Variants in SEPTIN2 observed in about 807,000 individuals in gnomAD.
SEPTIN2 encodes the protein septin-2.
In SEPTIN2, 34 loss-of-function variants were observed where a neutral mutation model predicts 46.5. The ratio of observed to expected loss-of-function variants is 0.73; its 90% CI spans 0.56 to 0.97. The LOEUF (loss-of-function observed/expected upper bound fraction) is 0.97, where lower values mean the gene tolerates loss of function less well. Ranked by LOEUF, SEPTIN2 falls within the 50% of genes least tolerant of loss-of-function variation. The pLI, the probability that SEPTIN2 is intolerant of heterozygous loss-of-function variation, is 0.00. For synonymous variants in SEPTIN2, 175 were observed against 153.4 expected (o/e 1.14, Z -1.04); for missense variants, 347 against 448.4 (o/e 0.77, Z 2.04).
chr2:241,337,644 ATAAG>A, intron 6 of SEPTIN2, 25 bp from the exon 7 acceptor site: 1 of 1,589,708 alleles, frequency 6.3e-7, no homozygotes, highest in South Asian at 1.1e-5. Context: ...TTTTTTTTAA[ATAAG>A]TGACAATTCT....
Position 241,325,569 on chromosome 2 carries a change from G to T in SEPTIN2, c.10-424G>T, listed in dbSNP as rs188705058. Among the ~76,000 whole-genome samples the T allele has an allele frequency of 3.9e-5, 6 of 152,212 alleles. No homozygotes were observed. The East Asian group carries it at 1.2e-3, about 29-fold the overall frequency. ...AATACCTGGGAGAAGCTATTCTTTA[G>T]CCAAGTTTGTTGAATGAAACCATTC... On this transcript the variant is annotated intron_variant, in intron 2 of 12. Coordinates refer to ENST00000391971, the MANE Select transcript of SEPTIN2 (RefSeq NM_004404.5).
At chr2:241,344,106 G>C (rs887943685) in intron 9 of SEPTIN2, among the ~76,000 whole-genome samples, 1 of 152,176 alleles carries the variant, frequency 6.6e-6, no homozygotes, top group African/African-American at 2.4e-5. Context: ...TACTAAACTA[G>C]CGCTTCTGCC....
At chr2:241,323,741 G>A (rs2077496251) in intron 1 of SEPTIN2, among the ~76,000 whole-genome samples, 1 of 152,136 alleles carries the variant, frequency 6.6e-6, no homozygotes, top group Admixed American at 6.5e-5. Context: ...GCGCTCCCAG[G>A]GTGGGGAAAA....
intron 2 of SEPTIN2, among the ~76,000 whole-genome samples, chr2:241,325,503 A>G (rs531556715): frequency 1.4e-4 from 21 of 152,278 alleles, no homozygotes; most frequent in Middle Eastern, 3.4e-3. Context: ...AGCAAGAGAG[A>G]TGCTTTTTTC....
Position 241,322,173 on chromosome 2 carries a change from A to C in SEPTIN2, c.-17-2043A>C, listed in dbSNP as rs563447601. Among the ~76,000 whole-genome samples, 22 of 152,216 alleles carry C rather than the reference A, an allele frequency of 1.4e-4. 1 individual carries two copies. The South Asian group carries it at 3.3e-3, about 23-fold the overall frequency. ...GGGGAATCGAGAGGCAAAGTGAGAG[A>C]AGCTTTTTAATAAGTTTCTAAGCTC... On this transcript the variant is annotated intron_variant, in intron 1 of 12. Transcript: ENST00000391971.
intron 2 of SEPTIN2, chr2:241,324,511 C>T (rs879437606): frequency 1.3e-4 from 62 of 470,408 alleles, no homozygotes; most frequent in Non-Finnish European, 2.1e-4. Context: ...GCTCAGCCTC[C>T]GGAGTAGCTG....
chr2:241,341,955 A>T (rs1380075399), intron 7 of SEPTIN2, among the ~76,000 whole-genome samples: 2 of 152,132 alleles, frequency 1.3e-5, no homozygotes, highest in Non-Finnish European at 2.9e-5. Flanking sequence ...ATGCATTCGT[A>T]TTTCAACTTC....
chr2:241,326,316 G>A (rs1270610781), intron 3 of SEPTIN2, among the ~76,000 whole-genome samples: 1 of 152,216 alleles, frequency 6.6e-6, no homozygotes, highest in Non-Finnish European at 1.5e-5. Context: ...TTATTTATAT[G>A]TAGTGAAAGT....
At chr2:241,316,083 GC>G (rs1446550947) in intron 1 of SEPTIN2, 101 bp downstream of exon 1, 1 of 161,946 alleles carries the variant, frequency 6.2e-6, no homozygotes, top group African/African-American at 2.4e-5. Context: ...GCGGTGGTCG[GC>G]TGGCTCTGGG....
chr2:241,348,000 G>A (rs2060422953), intron 10 of SEPTIN2, 134 bp from the exon 11 acceptor site: 5 of 655,416 alleles, frequency 7.6e-6, no homozygotes, highest in Non-Finnish European at 1.3e-5. Flanking sequence ...GTGCGACAGA[G>A]TGAGACACCA....
chr2:241,335,879 G>A (rs1156644395), intron 4 of SEPTIN2, 96 bp from the exon 5 acceptor site: 1 of 1,494,868 alleles, frequency 6.7e-7, no homozygotes, highest in African/African-American at 1.4e-5. Context: ...TACCTCTGTA[G>A]AGAGGCAGTA....
At chr2:241,327,050 C>CAAAA (rs59492636) in intron 3 of SEPTIN2, among the ~76,000 whole-genome samples, 2 of 66,012 alleles carry the variant, frequency 3.0e-5, no homozygotes, top group African/African-American at 7.2e-5. Flanking sequence ...AACCTTGTCT[C>CAAAA]AAAAAAAAAA....
At chr2:241,344,650 C>G (rs2081745327) in intron 9 of SEPTIN2, among the ~76,000 whole-genome samples, 1 of 152,108 alleles carries the variant, frequency 6.6e-6, no homozygotes, top group South Asian at 2.1e-4. Flanking sequence ...TTGCAGTGAG[C>G]CAAGATTGCA....
chr2:241,348,665 A>C (rs2060498759), intron 11 of SEPTIN2, among the ~76,000 whole-genome samples: 1 of 152,108 alleles, frequency 6.6e-6, no homozygotes, highest in Admixed American at 6.5e-5. Flanking sequence ...CTATATATAC[A>C]CATCTATATA....
chr2:241,328,016 GC>G (rs1405192368), intron 3 of SEPTIN2, among the ~76,000 whole-genome samples: 1 of 152,146 alleles, frequency 6.6e-6, no homozygotes, highest in East Asian at 1.9e-4. Context: ...TCGTGCCACT[GC>G]GCTCCAGTCT....
chr2:241,349,216 A>G (rs2060550354), intron 11 of SEPTIN2, among the ~76,000 whole-genome samples: 1 of 151,944 alleles, frequency 6.6e-6, no homozygotes, highest in African/African-American at 2.4e-5. Context: ...AAATTAAAAA[A>G]TAATTAGCCA....
chr2:241,348,073 G>A, intron 10 of SEPTIN2, 61 bp from the exon 11 acceptor site: 2 of 1,306,840 alleles, frequency 1.5e-6, no homozygotes, highest in Non-Finnish European at 2.2e-6. Context: ...AGAATTTTTT[G>A]GGGGGGTAGC....
intron 4 of SEPTIN2, chr2:241,335,712 G>T (rs1008138192): frequency 1.8e-6 from 1 of 568,372 alleles, no homozygotes; most frequent in Middle Eastern, 3.0e-4. Flanking sequence ...AAATGAATTC[G>T]TAAATTGCTT....
At chr2:241,338,971 A>G (rs62193173) in intron 7 of SEPTIN2, among the ~76,000 whole-genome samples, 18,511 of 89,422 alleles carry the variant, frequency 0.21, 1,946 homozygotes, top group East Asian at 0.48. Context: ...TATTATAAAT[A>G]TAATATATAA....
Sources: allele counts gnomAD v4.1 joint callset (sites outside exome capture counted in the v4.1 genomes callset), GRCh38; gene constraint gnomAD v4.1.1; transcripts MANE v1.5; gene names NCBI Gene and HGNC (gene_info 2026-07-23, HGNC 2026-07-21).